Variants in ARHGAP39 observed in about 807,000 individuals in gnomAD.
ARHGAP39 encodes Rho GTPase activating protein 39.
In ARHGAP39, 44 loss-of-function variants were observed where a neutral mutation model predicts 106.9. The observed-to-expected ratio is 0.41, with a 90% confidence interval of 0.32 to 0.53. The LOEUF is 0.53. Ranked by LOEUF, ARHGAP39 falls within the 20% of genes least tolerant of loss-of-function variation. The probability of loss-of-function intolerance (pLI) is 0.21; values close to 1 mark genes in which losing one functional copy is unlikely to be tolerated. For synonymous variants in ARHGAP39, 768 were observed against 693.2 expected, an observed-to-expected ratio of 1.11 and a Z score of -1.69; for missense variants, 1,496 against 1,577.3, an observed-to-expected ratio of 0.95 and a Z score of 0.87.
chr8:144,604,283 T>A lies in ARHGAP39; in HGVS notation c.80+1252A>T, dbSNP rs1159223614. On this transcript the variant is annotated intron_variant, in intron 2 of 11. Transcript: ENST00000377307. This position sits in a 1 kb window ranked among gnomAD's most constrained non-coding sequence, Gnocchi z 4.1. ...CAGGTGAGGGGCAGATGGACAGCAGTGTCTGCAGATGCGGGGCCCGGGAGG... is the reference window on the plus strand; with the variant it reads ...CAGGTGAGGGGCAGATGGACAGCAGAGTCTGCAGATGCGGGGCCCGGGAGG... Among the ~76,000 whole-genome samples, 1 of 152,132 alleles carries A rather than the reference T, an allele frequency of 6.6e-6. No individual in the cohort carries two copies. The highest frequency in any genetic ancestry group is 1.5e-5 in the Non-Finnish European group (1 of 68,012).
chr8:144,601,894 G>A (rs1273564609), intron 2 of ARHGAP39, among the ~76,000 whole-genome samples: 12 of 138,024 alleles, frequency 8.7e-5, no homozygotes, highest in Non-Finnish European at 1.7e-4. Flanking sequence ...TGTGTCCATG[G>A]AGGCGTGCAT....
intron 1 of ARHGAP39, among the ~76,000 whole-genome samples, chr8:144,642,390 G>T (rs889283173): frequency 6.6e-6 from 1 of 152,176 alleles, no homozygotes; most frequent in African/African-American, 2.4e-5. Context: ...AGGAGGCTGA[G>T]GCAGGAGAAT....
the ARHGAP39 span, among the ~76,000 whole-genome samples, chr8:144,697,927 T>C: frequency 6.6e-6 from 1 of 152,226 alleles, no homozygotes; most frequent in Admixed American, 6.5e-5. Flanking sequence ...TGCTACTGTC[T>C]TATTTATAAT....
intron 4 of ARHGAP39, among the ~76,000 whole-genome samples, chr8:144,552,381 G>A (rs569595969): frequency 1.3e-5 from 2 of 152,394 alleles, no homozygotes; most frequent in South Asian, 4.1e-4. Flanking sequence ...TGGGAGAAGC[G>A]CGCGGCGGCA....
intron 4 of ARHGAP39, among the ~76,000 whole-genome samples, chr8:144,555,067 G>C (rs1817864841): frequency 6.6e-6 from 1 of 152,234 alleles, no homozygotes; most frequent in South Asian, 2.1e-4. Context: ...CTGGGAGGTG[G>C]AGGGAGCGTC....
At chr8:144,642,041 G>A (rs1821325238) in intron 1 of ARHGAP39, among the ~76,000 whole-genome samples, 2 of 152,202 alleles carry the variant, frequency 1.3e-5, no homozygotes, top group South Asian at 4.1e-4. Context: ...GGTTTGTTAT[G>A]GCAGCAATAG....
At chr8:144,614,820 C>A (rs926894668) in intron 1 of ARHGAP39, among the ~76,000 whole-genome samples, 2 of 152,222 alleles carry the variant, frequency 1.3e-5, no homozygotes, top group Admixed American at 1.3e-4. Context: ...GTTTCTCAGT[C>A]AGCCTGCTGG....
At chr8:144,537,145 G>A (rs1268560241) in intron 7 of ARHGAP39, among the ~76,000 whole-genome samples, 3 of 152,148 alleles carry the variant, frequency 2.0e-5, no homozygotes, top group Non-Finnish European at 4.4e-5. Context: ...AGGGCCTGGG[G>A]GAAGGTAGAG....
chr8:144,681,224 C>G (rs1337904795), intron 1 of ARHGAP39, among the ~76,000 whole-genome samples: 1 of 152,178 alleles, frequency 6.6e-6, no homozygotes, highest in Non-Finnish European at 1.5e-5. Flanking sequence ...ACAGTGGCAG[C>G]AGAGACAGCC....
intron 2 of ARHGAP39, chr8:144,584,126 G>A (rs1272814497): frequency 6.6e-6 from 1 of 152,252 alleles, no homozygotes; most frequent in East Asian, 1.9e-4. Flanking sequence ...ATTACTGGAA[G>A]TCTAAAGCCA....
At chr8:144,603,406 T>G (rs780703572) in intron 2 of ARHGAP39, among the ~76,000 whole-genome samples, 1 of 152,102 alleles carries the variant, frequency 6.6e-6, no homozygotes, top group Non-Finnish European at 1.5e-5. Context: ...TCTAGTTTTG[T>G]GTGCTCAGGC....
chr8:144,578,271 C>T (rs1425312597), intron 3 of ARHGAP39, among the ~76,000 whole-genome samples: 5 of 152,202 alleles, frequency 3.3e-5, no homozygotes, highest in African/African-American at 1.2e-4. Context: ...CTCTGTCACC[C>T]AGGCTGGGGT....
At chr8:144,643,111 G>C (rs1055116878) in intron 1 of ARHGAP39, among the ~76,000 whole-genome samples, 1 of 152,130 alleles carries the variant, frequency 6.6e-6, no homozygotes, top group Non-Finnish European at 1.5e-5. Context: ...CTCTTCTGTA[G>C]AGTAGCCCTC....
intron 1 of ARHGAP39, among the ~76,000 whole-genome samples, chr8:144,674,592 C>A (rs969825129): frequency 6.6e-6 from 1 of 152,192 alleles, no homozygotes; most frequent in African/African-American, 2.4e-5. Flanking sequence ...TCAGGCTGTC[C>A]CTGACTTGAA....
the ARHGAP39 span, among the ~76,000 whole-genome samples, chr8:144,695,227 AACACG>A: frequency 6.8e-6 from 1 of 146,950 alleles, no homozygotes; most frequent in Non-Finnish European, 1.5e-5. Context: ...GGTGCGTGCC[AACACG>A]CCCGGCTAAT....
chr8:144,647,065 T>A lies in ARHGAP39; in HGVS notation c.-82+38621A>T, dbSNP rs1255982232. On this transcript the variant is annotated intron_variant, in intron 1 of 11. Transcript: ENST00000377307. This position sits in a 1 kb window ranked among gnomAD's most constrained non-coding sequence, Gnocchi z 4.8. Reference sequence around the variant, plus strand: ...CTCACTGCAAGCTCCGCCTCCTGGGTTCACACCATTCTCCTGCCTCAGCCT... The same window carrying A: ...CTCACTGCAAGCTCCGCCTCCTGGGATCACACCATTCTCCTGCCTCAGCCT... Among the ~76,000 whole-genome samples the A allele has an allele frequency of 6.7e-6, 1 of 150,088 alleles. No individual in the cohort carries two copies. Among genetic ancestry groups the A allele is most frequent in the Non-Finnish European group, 1.5e-5 (1 of 67,728 alleles).
chr8:144,553,824 C>T lies in ARHGAP39; in HGVS notation c.596+1736G>A, dbSNP rs139038201. On this transcript the variant is annotated intron_variant, in intron 4 of 11. Transcript: ENST00000377307. ...ACTGACAGCAAACACTGGGCTGGGCCGCCCAACGCAGCGGCAAGGCCTCTT... is the reference window on the plus strand; with the variant it reads ...ACTGACAGCAAACACTGGGCTGGGCTGCCCAACGCAGCGGCAAGGCCTCTT... Among the ~76,000 whole-genome samples the T allele has an allele frequency of 3.2e-3, 482 of 152,380 alleles. 2 individuals carry two copies. The highest frequency in any genetic ancestry group is 6.8e-3 in the Middle Eastern group (2 of 294).
Position 144,645,476 on chromosome 8 carries a change from CAG to C in ARHGAP39, c.-81-39783_-81-39782del, listed in dbSNP as rs1333402042. ...CCCGCCTCACTCTGGTCTCTCCCGG[CAG>C]AGTCACTGATGGTCTCCGTCAGGGC... On this transcript the variant is annotated intron_variant, in intron 1 of 11. Transcript: ENST00000377307. This position sits in a 1 kb window ranked among gnomAD's most constrained non-coding sequence, Gnocchi z 4.4. Among the ~76,000 whole-genome samples the C allele has an allele frequency of 1.3e-5, 2 of 151,722 alleles. No homozygotes were observed. Among genetic ancestry groups the C allele is most frequent in the East Asian group, 1.9e-4 (1 of 5,152 alleles).
At chr8:144,532,250 G>T in intron 10 of ARHGAP39, 55 bp downstream of exon 10, 2 of 1,562,130 alleles carry the variant, frequency 1.3e-6, no homozygotes, top group South Asian at 1.1e-5. Context: ...AGGGGCCCCT[G>T]AGAACCACTG....
Sources: allele counts gnomAD v4.1 joint callset (sites outside exome capture counted in the v4.1 genomes callset), GRCh38; gene constraint gnomAD v4.1.1; non-coding constraint Gnocchi (gnomAD v3.1); transcripts MANE v1.5; gene names NCBI Gene and HGNC (gene_info 2026-07-23, HGNC 2026-07-21).